WAC: variants seen among roughly 807,000 people sequenced by gnomAD.
WAC encodes the protein WW domain containing adaptor with coiled-coil.
A neutral mutation model predicts 79.6 loss-of-function variants in WAC; 11 were observed. That is an observed-to-expected ratio of 0.14 (90% CI 0.09 to 0.23). The LOEUF (loss-of-function observed/expected upper bound fraction) is 0.23, where lower values mean the gene tolerates loss of function less well. WAC is among the 10% of genes least tolerant of loss of function. The probability of loss-of-function intolerance (pLI) is 1.00; values close to 1 mark genes in which losing one functional copy is unlikely to be tolerated. For synonymous variants in WAC, 304 were observed against 276.9 expected (o/e 1.10, Z -0.97); for missense variants, 728 against 773.5 (o/e 0.94, Z 0.70).
chr10:28,590,602 T>C, intron 5 of WAC, 118 bp from the exon 6 acceptor site: 1 of 783,844 alleles, frequency 1.3e-6, no homozygotes, highest in South Asian at 1.9e-5. Flanking sequence ...ATTATGACCA[T>C]GTTCACTCCT....
At chr10:28,601,026 T>G (rs957641506) in intron 7 of WAC, among the ~76,000 whole-genome samples, 1 of 151,862 alleles carries the variant, frequency 6.6e-6, no homozygotes, top group African/African-American at 2.4e-5. Context: ...GTATTGGAGT[T>G]GGCCATGATT....
At chr10:28,587,771 C>G (rs536535427) in intron 4 of WAC, among the ~76,000 whole-genome samples, 2 of 152,270 alleles carry the variant, frequency 1.3e-5, no homozygotes, top group East Asian at 3.9e-4. Context: ...CCCTGGAATT[C>G]TGTTAAGTGT....
chr10:28,607,488 G>A (rs332168), intron 7 of WAC, among the ~76,000 whole-genome samples: 127,278 of 152,184 alleles, frequency 0.84, 53,347 homozygotes, highest in East Asian at 0.94. Context: ...TTTTCCATGC[G>A]TATTTTATAC....
chr10:28,580,946 G>A (rs1839500876), intron 3 of WAC, among the ~76,000 whole-genome samples: 1 of 152,122 alleles, frequency 6.6e-6, no homozygotes, highest in Non-Finnish European at 1.5e-5. Flanking sequence ...AAGAGAAAAG[G>A]CACATGGGGC....
At chr10:28,560,685 G>A (rs1564386355) in intron 3 of WAC, among the ~76,000 whole-genome samples, 1 of 152,200 alleles carries the variant, frequency 6.6e-6, no homozygotes, top group Non-Finnish European at 1.5e-5. Context: ...GGAACCTGCA[G>A]ACTCTGTAAA....
rs562364712 is a variant in WAC at position 28,568,454 on chromosome 10, C to T, written c.275-14945C>T. Among the ~76,000 whole-genome samples the T allele has an allele frequency of 4.6e-5, 7 of 152,052 alleles. No homozygotes were observed. In the South Asian group the frequency reaches 6.2e-4, roughly 14 times the overall value. On this transcript the variant is annotated intron_variant, in intron 3 of 13. Transcript: ENST00000354911. ...GGTGTGCAGTGGCACGGTCTTGGCT[C>T]GCTGCAACCTCCACCTCCCGGGTTC...
intron 3 of WAC, among the ~76,000 whole-genome samples, chr10:28,561,285 A>G (rs1838287397): frequency 6.6e-6 from 1 of 152,198 alleles, no homozygotes; most frequent in African/African-American, 2.4e-5. Flanking sequence ...AGAACTGGGT[A>G]CTCGCCACTC....
In WAC at chr10:28,620,877, C is replaced by A. The variant is rs898563078; in HGVS notation, c.*1271C>A. On this transcript the variant is annotated 3_prime_UTR_variant, in exon 14 of 14. Transcript: ENST00000354911. Reference sequence around the variant, plus strand: ...ACTGCTGTTCTTAGCCATCACAAAACGCTAAATTTGTGTAATTGGAGCTTC... The same window carrying A: ...ACTGCTGTTCTTAGCCATCACAAAAAGCTAAATTTGTGTAATTGGAGCTTC... 6.6e-6 allele frequency: 1 copy of A among 152,160 alleles called. No homozygotes were observed. The highest frequency in any genetic ancestry group is 1.5e-5 in the Non-Finnish European group (1 of 68,028). The allele number at this position is 152,160 out of a possible 1,614,324, so 9.4% of individuals were successfully genotyped here.
chr10:28,556,872 G>A (rs946652065), intron 3 of WAC, among the ~76,000 whole-genome samples: 2 of 152,106 alleles, frequency 1.3e-5, no homozygotes, highest in African/African-American at 4.8e-5. Flanking sequence ...GACCGTGGAA[G>A]CATGGGTTTA....
chr10:28,601,166 T>C (rs1840626968), intron 7 of WAC, among the ~76,000 whole-genome samples: 1 of 152,108 alleles, frequency 6.6e-6, no homozygotes, highest in South Asian at 2.1e-4. Context: ...TATTTGTAAA[T>C]CACGTATGTT....
chr10:28,608,497 T>C lies in WAC; in HGVS notation c.1165+66T>C, dbSNP rs1029126776. ...GTGCAAAGTTATGTAAGTAGTAAAA[T>C]CCCCAGTTTAGGAATGGTCTTTGTT... On this transcript the variant is annotated intron_variant, in intron 8 of 13. Transcript: ENST00000354911. 27 of 1,432,082 alleles carry C rather than the reference T, an allele frequency of 1.9e-5. No individual in the cohort carries two copies. The Admixed American group carries it at 6.2e-4, about 33-fold the overall frequency. The allele number at this position is 1,432,082 out of a possible 1,614,324, so 88.7% of individuals were successfully genotyped here.
chr10:28,568,755 A>G (rs531114397), intron 3 of WAC, among the ~76,000 whole-genome samples: 1 of 151,892 alleles, frequency 6.6e-6, no homozygotes, highest in Admixed American at 6.6e-5. Flanking sequence ...CTTATTTATT[A>G]CAGAGACGGG....
intron 3 of WAC, among the ~76,000 whole-genome samples, chr10:28,541,420 GTTTTTTTT>G (rs869099181): frequency 2.6e-4 from 13 of 49,210 alleles, no homozygotes; most frequent in African/African-American, 1.4e-3. Context: ...TGTGTGTTTT[GTTTTTTTT>G]TTTTTTTTTT....
chr10:28,575,849 C>T (rs1433984970), intron 3 of WAC, among the ~76,000 whole-genome samples: 1 of 152,288 alleles, frequency 6.6e-6, no homozygotes, highest in East Asian at 1.9e-4. Flanking sequence ...ACTCTCCTGT[C>T]GCATAATGTT....
At chr10:28,563,331 C>A (rs12413834) in intron 3 of WAC, among the ~76,000 whole-genome samples, 3 of 152,006 alleles carry the variant, frequency 2.0e-5, no homozygotes, top group African/African-American at 7.3e-5. Flanking sequence ...TGATTATGTT[C>A]TAGGAGGTAG....
intron 8 of WAC, 50 bp from the exon 9 acceptor site, chr10:28,610,649 C>CTG (rs1841192028): frequency 6.5e-7 from 1 of 1,535,266 alleles, no homozygotes; most frequent in African/African-American, 1.4e-5. Flanking sequence ...TTACTAATGC[C>CTG]ACATAAGCCT....
chr10:28,551,359 A>T (rs1837658745), intron 3 of WAC, among the ~76,000 whole-genome samples: 1 of 152,224 alleles, frequency 6.6e-6, no homozygotes, highest in Admixed American at 6.5e-5. Flanking sequence ...GAATGCAGCT[A>T]TTACATGGGC....
chr10:28,567,418 G>A (rs1435849136), intron 3 of WAC, among the ~76,000 whole-genome samples: 1 of 152,062 alleles, frequency 6.6e-6, no homozygotes, highest in Non-Finnish European at 1.5e-5. Context: ...TTTGGTGTTT[G>A]TAATCTGAGG....
intron 7 of WAC, among the ~76,000 whole-genome samples, chr10:28,606,710 A>G (rs1359010344): frequency 4.6e-5 from 7 of 152,224 alleles, no homozygotes; most frequent in Non-Finnish European, 8.8e-5. Flanking sequence ...CTAGTTTTAT[A>G]CTAAAAGCAA....
Sources: allele counts gnomAD v4.1 joint callset (sites outside exome capture counted in the v4.1 genomes callset), GRCh38; gene constraint gnomAD v4.1.1; transcripts MANE v1.5; gene names NCBI Gene and HGNC (gene_info 2026-07-23, HGNC 2026-07-21).